The following SLC41A3 variants were observed in gnomAD, a reference collection of about 807,000 sequenced individuals.
SLC41A3 encodes SLC41A1-like 2.
In SLC41A3, 44 loss-of-function variants were observed where a neutral mutation model predicts 45.4. The observed-to-expected ratio is 0.97, with a 90% CI of 0.76 to 1.25. The LOEUF (loss-of-function observed/expected upper bound fraction) is 1.25, where lower values mean the gene tolerates loss of function less well. SLC41A3 is among the 50% of genes most tolerant of loss of function. The probability of loss-of-function intolerance (pLI) is 0.00; values close to 1 mark genes in which losing one functional copy is unlikely to be tolerated. For missense variants in SLC41A3, 550 were observed against 600.6 expected (o/e 0.92, Z 0.88); for synonymous variants, 256 against 252.4 (o/e 1.01, Z -0.13).
Position 126,006,781 on chromosome 3 carries a change from T to G in SLC41A3, c.*235A>C. On this transcript the variant is annotated 3_prime_UTR_variant, in exon 11 of 11. Transcript: ENST00000360370. ...CACACTTGCACGCTCATTAAGCATG[T>G]GCACACATCATATTCACACACTCAA... 6.9e-7 allele frequency: 1 copy of G among 1,443,198 alleles called. No individual in the cohort carries two copies. Among genetic ancestry groups the G allele is most frequent in the East Asian group, 2.5e-5 (1 of 40,226 alleles). The allele number at this position is 1,443,198 out of a possible 1,614,324, so 89.4% of individuals were successfully genotyped here.
intron 4 of SLC41A3, among the ~76,000 whole-genome samples, chr3:126,033,097 T>C (rs1941924314): frequency 1.3e-5 from 2 of 152,030 alleles, no homozygotes; most frequent in Admixed American, 1.3e-4. Context: ...GAGAGGAGCA[T>C]GAAGCAGCTA....
intron 2 of SLC41A3, among the ~76,000 whole-genome samples, chr3:126,058,651 TCACAGGCACAACC>T (rs1007416674): frequency 1.3e-5 from 2 of 152,238 alleles, no homozygotes; most frequent in African/African-American, 4.8e-5. Context: ...TGTGTGCTCT[TCACAGGCACAACC>T]CACAGGTGCA....
chr3:126,022,490 T>A (rs7645814), intron 6 of SLC41A3, among the ~76,000 whole-genome samples: 1 of 152,082 alleles, frequency 6.6e-6, no homozygotes, highest in Non-Finnish European at 1.5e-5. Context: ...CACCACATGG[T>A]GACAGAACCC....
chr3:126,056,922 C>T, intron 2 of SLC41A3: 1 of 1,096,084 alleles, frequency 9.1e-7, no homozygotes, highest in Non-Finnish European at 1.1e-6. Flanking sequence ...CAGCAATCAG[C>T]AGCCCAGCAG....
intron 2 of SLC41A3, chr3:126,057,119 A>C: frequency 1.0e-6 from 1 of 986,630 alleles, no homozygotes; most frequent in South Asian, 4.7e-5. Context: ...CCAGCTCTAC[A>C]GACCTCGAGT....
chr3:126,024,704 A>G (rs1450417390), intron 5 of SLC41A3: 1 of 152,270 alleles, frequency 6.6e-6, no homozygotes, highest in East Asian at 1.9e-4. Flanking sequence ...CACAGGTTCA[A>G]TTATGAAGTT....
At chr3:126,036,120 C>T (rs368037123) in intron 3 of SLC41A3, among the ~76,000 whole-genome samples, 1 of 152,208 alleles carries the variant, frequency 6.6e-6, no homozygotes, top group African/African-American at 2.4e-5. Flanking sequence ...CAGGCTTCTA[C>T]GAAAAATCTC....
intron 2 of SLC41A3, among the ~76,000 whole-genome samples, chr3:126,066,581 T>C (rs1490684302): frequency 6.6e-6 from 1 of 152,170 alleles, no homozygotes; most frequent in Admixed American, 6.5e-5. Flanking sequence ...GGAACAAGCA[T>C]TTCCCTGTGG....
chr3:126,041,560 G>A lies in SLC41A3; in HGVS notation c.382-7882C>T, dbSNP rs180687153. ...AGAAGATACTGAAAGTATAACTTCA[G>A]TACTGCAGGAACATAACTATGAACA... On this transcript the variant is annotated intron_variant, in intron 3 of 10. Transcript: ENST00000360370. Among the ~76,000 whole-genome samples, 544 of 152,348 alleles carry A rather than the reference G, an allele frequency of 3.6e-3. 1 individual carries two copies. The highest frequency in any genetic ancestry group is 5.6e-3 in the Non-Finnish European group (384 of 68,028).
rs116163863 is a variant in SLC41A3 at position 126,036,085 on chromosome 3, A to G, written c.382-2407T>C. On this transcript the variant is annotated intron_variant, in intron 3 of 10. Coordinates refer to ENST00000360370, the MANE Select transcript of SLC41A3 (RefSeq NM_017836.4). ...TTTAAGATTTCATTGAATTTTTTAA[A>G]AAACTTCTTTGAATCTGACAATTCC... 4.2e-3 allele frequency among the ~76,000 whole-genome samples: 633 copies of G among 152,372 alleles called. 5 individuals are homozygous for G. The highest frequency in any genetic ancestry group is 0.014 in the African/African-American group (595 of 41,594).
At chr3:126,046,961 CAAA>C (rs36095026) in intron 3 of SLC41A3, among the ~76,000 whole-genome samples, 3 of 81,222 alleles carry the variant, frequency 3.7e-5, no homozygotes, top group African/African-American at 4.5e-5. Context: ...AACTCCATCT[CAAA>C]AAAAAAAAAA....
At chr3:126,062,221 A>C (rs1308743646) in intron 2 of SLC41A3, among the ~76,000 whole-genome samples, 1 of 152,196 alleles carries the variant, frequency 6.6e-6, no homozygotes, top group Admixed American at 6.5e-5. Flanking sequence ...CCTTAATGGC[A>C]TGACCCTGTC....
At chr3:126,068,373 A>G in intron 1 of SLC41A3, 127 bp from the exon 2 acceptor site, 1 of 766,124 alleles carries the variant, frequency 1.3e-6, no homozygotes. Context: ...GCCCTTACTC[A>G]GCACCTGCTC....
intron 2 of SLC41A3, among the ~76,000 whole-genome samples, chr3:126,064,890 C>A (rs1460207829): frequency 1.3e-5 from 2 of 152,224 alleles, no homozygotes; most frequent in Non-Finnish European, 2.9e-5. Flanking sequence ...GAAAGATTAA[C>A]TTGGAGGAGC....
At chr3:126,069,408 C>A (rs1327959465) in intron 1 of SLC41A3, among the ~76,000 whole-genome samples, 1 of 152,122 alleles carries the variant, frequency 6.6e-6, no homozygotes, top group Non-Finnish European at 1.5e-5. Flanking sequence ...TGGCACTGGG[C>A]AGAGACTGCC....
rs1373420691 is a variant in SLC41A3, at chr3:126,026,191, C to T, written c.598+144G>A. The T allele has an allele frequency of 6.1e-6, 8 of 1,316,836 alleles. No homozygotes were observed. Among genetic ancestry groups the T allele is most frequent in the Non-Finnish European group, 8.2e-6 (8 of 972,974 alleles). 81.6% of individuals were successfully genotyped at this position (1,316,836 alleles called of 1,614,324 possible). On this transcript the variant is annotated intron_variant, in intron 5 of 10. Transcript: ENST00000360370. The surrounding 1 kb of genome is among the most constrained non-coding windows in gnomAD (Gnocchi z 4.2). ...GAAGACCCAGCTGGCTCGTCCCACC[C>T]TGCCAGTGAGAACCCTGAGCCCACC...
intron 1 of SLC41A3, among the ~76,000 whole-genome samples, chr3:126,098,251 T>C (rs1405479370): frequency 6.6e-6 from 1 of 152,132 alleles, no homozygotes; most frequent in African/African-American, 2.4e-5. Context: ...TCTAATCCAG[T>C]AGGACTGGAG....
intron 5 of SLC41A3, 187 bp from the exon 6 acceptor site, chr3:126,023,119 C>A: frequency 1.4e-6 from 1 of 695,446 alleles, no homozygotes; most frequent in Non-Finnish European, 2.4e-6. Flanking sequence ...ACTTTCAGAG[C>A]TTCCCACTAC....
intron 8 of SLC41A3, among the ~76,000 whole-genome samples, chr3:126,013,867 T>C (rs1319737151): frequency 6.6e-6 from 1 of 151,970 alleles, no homozygotes. Context: ...TGACAGGGCA[T>C]AGAACACAGA....
Sources: allele counts gnomAD v4.1 joint callset (sites outside exome capture counted in the v4.1 genomes callset), GRCh38; gene constraint gnomAD v4.1.1; non-coding constraint Gnocchi (gnomAD v3.1); transcripts MANE v1.5; gene names NCBI Gene and HGNC (gene_info 2026-07-23, HGNC 2026-07-21).